The following TGFBR1 variants were observed in gnomAD, a reference collection of about 807,000 sequenced individuals.
TGFBR1 encodes the protein transforming growth factor beta receptor 1, also known as TGF-beta receptor type-1.
TGFBR1 carries 20 observed loss-of-function variants against 55.1 expected under a neutral mutation model. The observed-to-expected ratio is 0.36, with a 90% CI of 0.26 to 0.53. TGFBR1 has a LOEUF of 0.53. Among genes scored for constraint, TGFBR1 ranks in the 20% least tolerant of loss-of-function variants. The pLI, the probability that TGFBR1 is intolerant of heterozygous loss-of-function variation, is 0.91. For synonymous variants in TGFBR1, 220 were observed against 214.8 expected, an observed-to-expected ratio of 1.02 and a Z score of -0.21; for missense variants, 385 against 617.6, an observed-to-expected ratio of 0.62 and a Z score of 3.99.
At chr9:99,119,469 G>A (rs1289745704) in intron 1 of TGFBR1, among the ~76,000 whole-genome samples, 3 of 152,222 alleles carry the variant, frequency 2.0e-5, no homozygotes, top group African/African-American at 7.2e-5. Flanking sequence ...TGGGGAGTAG[G>A]GGTGGAAATC....
rs186988484 is a variant in TGFBR1 at position 99,118,773 on chromosome 9, A to G, written c.98-10082A>G. Among the ~76,000 whole-genome samples, 51 of 151,660 alleles carry G rather than the reference A, an allele frequency of 3.4e-4. 1 individual carries two copies. In the East Asian group the frequency reaches 8.9e-3, roughly 27 times the overall value. ...GTGATCCTTGTGCCCCAGCCTCCCA[A>G]ATAGCTGGGACTACAGGTGCGTGCC... On this transcript the variant is annotated intron_variant, in intron 1 of 8. Coordinates refer to ENST00000374994, the MANE Select transcript of TGFBR1 (RefSeq NM_004612.4).
chr9:99,149,215 T>C lies in TGFBR1; in HGVS notation c.1422T>C (p.Cys474=). 6.2e-7 allele frequency: 1 copy of C among 1,613,608 alleles called. No individual in the cohort carries two copies. Among genetic ancestry groups the C allele is most frequent in the Non-Finnish European group, 8.5e-7 (1 of 1,179,728 alleles). ...TAATGGCTAAAATTATGAGAGAATG[T>C]TGGTATGCCAATGGAGCAGCTAGGC... ...LRVMAKIMRE[C]WYANGAARLT... is the part of the protein sequence containing the mutation. The change falls in exon 9 of 9, where the codon TGT becomes TGC. Residue 474 remains cysteine, a synonymous_variant. Coordinates refer to ENST00000374994, the MANE Select transcript of TGFBR1 (RefSeq NM_004612.4).
chr9:99,139,414 GTTA>G (rs1471999575), intron 4 of TGFBR1, among the ~76,000 whole-genome samples: 1 of 151,232 alleles, frequency 6.6e-6, no homozygotes, highest in Non-Finnish European at 1.5e-5. Context: ...GCTTTTTTTT[GTTA>G]TTGACTTTTA....
chr9:99,145,961 G>A (rs749704563), intron 6 of TGFBR1: 31 of 188,200 alleles, frequency 1.6e-4, no homozygotes, highest in African/African-American at 6.9e-4. Flanking sequence ...TGGTATGGCC[G>A]TAGATGACTC....
At chr9:99,143,362 G>A (rs1827688236) in intron 5 of TGFBR1, among the ~76,000 whole-genome samples, 2 of 152,198 alleles carry the variant, frequency 1.3e-5, no homozygotes, top group Non-Finnish European at 2.9e-5. Flanking sequence ...AACATGCTAG[G>A]TAACTGTTAT....
chr9:99,147,584 G>A (rs1288908966), intron 7 of TGFBR1, 70 bp from the exon 8 acceptor site: 1 of 1,433,528 alleles, frequency 7.0e-7, no homozygotes, highest in East Asian at 2.3e-5. Flanking sequence ...GGTCTCTCAG[G>A]TGATCTTTTA....
At chr9:99,122,466 G>A (rs186552918) in intron 1 of TGFBR1, among the ~76,000 whole-genome samples, 6 of 152,030 alleles carry the variant, frequency 3.9e-5, no homozygotes, top group African/African-American at 1.4e-4. Flanking sequence ...CTGAAATGAG[G>A]CAACCAAGGA....
chr9:99,111,902 C>G (rs1826594472), intron 1 of TGFBR1, among the ~76,000 whole-genome samples: 2 of 152,110 alleles, frequency 1.3e-5, no homozygotes, highest in African/African-American at 4.8e-5. Flanking sequence ...TACTAGCAAC[C>G]ACAGGGACTG....
intron 8 of TGFBR1, 37 bp downstream of exon 8, chr9:99,147,821 ACTGCTTCTGCTTAGT>A: frequency 6.2e-7 from 1 of 1,612,640 alleles, no homozygotes. Flanking sequence ...AATTTTCTAA[ACTGCTTCTGCTTAGT>A]AAGCAAAAGT....
At position 99,151,450 on chromosome 9, in the gene TGFBR1, C is replaced by T. The variant is rs1191376961; in HGVS notation, c.*2145C>T. ...GCCATTTCTAAGCCTACCAGATCTG[C>T]TTTATGAAATCCAGGGGACCAATGC... On this transcript the variant is annotated 3_prime_UTR_variant, in exon 9 of 9. Transcript: ENST00000374994. The T allele has an allele frequency of 8.9e-6, 2 of 223,912 alleles. No individual in the cohort carries two copies. Among genetic ancestry groups the T allele is most frequent in the Non-Finnish European group, 8.7e-6 (1 of 114,298 alleles). 13.9% of individuals were successfully genotyped at this position (223,912 alleles called of 1,614,324 possible). A position where few individuals can be genotyped will look rare whatever the true frequency, so the allele number is the denominator to read the frequency against.
intron 1 of TGFBR1, among the ~76,000 whole-genome samples, chr9:99,125,496 A>T (rs1290133962): frequency 6.6e-6 from 1 of 152,268 alleles, no homozygotes; most frequent in Non-Finnish European, 1.5e-5. Context: ...TAGCACTTGC[A>T]TATAATAAAG....
At chr9:99,118,623 A>ACT (rs1336184400) in intron 1 of TGFBR1, among the ~76,000 whole-genome samples, 2 of 148,274 alleles carry the variant, frequency 1.3e-5, no homozygotes, top group African/African-American at 2.5e-5. Context: ...AAACTGCCAA[A>ACT]CTCCCTTACT....
At chr9:99,146,282 G>C (rs1276503008) in intron 6 of TGFBR1, among the ~76,000 whole-genome samples, 1 of 152,130 alleles carries the variant, frequency 6.6e-6, no homozygotes, top group Non-Finnish European at 1.5e-5. Context: ...GTGTGAAACT[G>C]CTATTTTAGC....
At chr9:99,109,489 G>T (rs1826503693) in intron 1 of TGFBR1, among the ~76,000 whole-genome samples, 1 of 152,166 alleles carries the variant, frequency 6.6e-6, no homozygotes, top group Non-Finnish European at 1.5e-5. Context: ...CTGTCAAAAG[G>T]TTCTAGGCCT....
intron 4 of TGFBR1, among the ~76,000 whole-genome samples, chr9:99,140,344 A>G (rs1354089015): frequency 6.6e-6 from 1 of 152,174 alleles, no homozygotes; most frequent in African/African-American, 2.4e-5. Flanking sequence ...AATCCCAGCT[A>G]CTTGGGAAGC....
chr9:99,137,837 T>C (rs898769199), intron 3 of TGFBR1, 22 bp from the exon 4 acceptor site: 1 of 1,581,862 alleles, frequency 6.3e-7, no homozygotes, highest in Non-Finnish European at 8.7e-7. Flanking sequence ...TTGTGTTGAG[T>C]ACTATTTATT....
chr9:99,135,845 A>G (rs1827421729), intron 3 of TGFBR1, among the ~76,000 whole-genome samples: 1 of 147,188 alleles, frequency 6.8e-6, no homozygotes, highest in African/African-American at 2.5e-5. Flanking sequence ...TTAGAAGAAA[A>G]TTGTTACTTT....
At chr9:99,141,617 C>G (rs1486774849) in intron 4 of TGFBR1, among the ~76,000 whole-genome samples, 1 of 152,146 alleles carries the variant, frequency 6.6e-6, no homozygotes, top group African/African-American at 2.4e-5. Flanking sequence ...TGGATTCCAA[C>G]CAGGTTAGAA....
At chr9:99,134,292 T>A (rs991353881) in intron 3 of TGFBR1, among the ~76,000 whole-genome samples, 1 of 152,170 alleles carries the variant, frequency 6.6e-6, no homozygotes, top group East Asian at 1.9e-4. Flanking sequence ...CCTTGACTAC[T>A]AGGACACACA....
Sources: gnomAD v4.1 joint callset for allele counts (sites outside exome capture counted in the v4.1 genomes callset) on GRCh38, gnomAD v4.1.1 for gene constraint, MANE v1.5 for transcripts, NCBI Gene and HGNC (gene_info 2026-07-23, HGNC 2026-07-21) for gene names.